Variants in ADAM23 observed in about 807,000 individuals in gnomAD.
ADAM23 encodes disintegrin and metalloproteinase domain-containing protein 23.
A neutral mutation model predicts 120.1 loss-of-function variants in ADAM23; 33 were observed. That is an observed-to-expected ratio of 0.27 (90% CI 0.21 to 0.37). ADAM23 has a LOEUF of 0.37. ADAM23 is among the 10% of genes least tolerant of loss of function. The probability of loss-of-function intolerance (pLI) is 1.00; values close to 1 mark genes in which losing one functional copy is unlikely to be tolerated. For synonymous variants in ADAM23, 367 were observed against 375.2 expected (o/e 0.98, Z 0.25); for missense variants, 862 against 1,058.2 (o/e 0.81, Z 2.57).
intron 18 of ADAM23, among the ~76,000 whole-genome samples, chr2:206,586,407 T>A (rs1388125911): frequency 6.6e-6 from 1 of 151,906 alleles, no homozygotes; most frequent in Non-Finnish European, 1.5e-5. Flanking sequence ...AGATTGGAAT[T>A]ATATTTTGAA....
intron 24 of ADAM23, among the ~76,000 whole-genome samples, chr2:206,598,733 C>T (rs765549025): frequency 1.3e-5 from 2 of 151,804 alleles, no homozygotes; most frequent in Non-Finnish European, 2.9e-5. Context: ...AACCCCATCC[C>T]TACTAAAAAT....
chr2:206,578,739 T>G (rs750269904), intron 18 of ADAM23, among the ~76,000 whole-genome samples: 3 of 152,064 alleles, frequency 2.0e-5, no homozygotes, highest in Non-Finnish European at 2.9e-5. Context: ...AATGACGTCT[T>G]TTCCTCGGGG....
At chr2:206,509,837 G>A (rs1180915543) in intron 3 of ADAM23, among the ~76,000 whole-genome samples, 1 of 152,156 alleles carries the variant, frequency 6.6e-6, no homozygotes, top group African/African-American at 2.4e-5. Flanking sequence ...ATAAACTATG[G>A]TAATAAGTTT....
rs937222887 is a variant in ADAM23, at chr2:206,620,875, T to G, written c.*3248T>G. 10 of 152,216 alleles carry G rather than the reference T, an allele frequency of 6.6e-5. No individual in the cohort carries two copies. Among genetic ancestry groups the G allele is most frequent in the African/African-American group, 2.4e-4 (10 of 41,468 alleles). 9.4% of individuals were successfully genotyped at this position (152,216 alleles called of 1,614,324 possible). A position where few individuals can be genotyped will look rare whatever the true frequency, so the allele number is the denominator to read the frequency against. On this transcript the variant is annotated 3_prime_UTR_variant, in exon 26 of 26. Coordinates refer to ENST00000264377, the MANE Select transcript of ADAM23 (RefSeq NM_003812.4). ...GGAAATGCACAAACTTTTCAAAGAC[T>G]AGTGTCTGAAGAACTTTACAAACAA... is the stretch of plus-strand genomic sequence containing the variant.
At chr2:206,488,078 G>T (rs1396059659) in intron 3 of ADAM23, among the ~76,000 whole-genome samples, 3 of 152,246 alleles carry the variant, frequency 2.0e-5, no homozygotes, top group Admixed American at 2.0e-4. Flanking sequence ...GTTAAAAGCA[G>T]TTCACGCTGT....
chr2:206,519,394 T>TC, intron 3 of ADAM23, among the ~76,000 whole-genome samples: 1 of 152,180 alleles, frequency 6.6e-6, no homozygotes, highest in South Asian at 2.1e-4. Context: ...GTTAGAGAAA[T>TC]TAGTTGTGAT....
intron 24 of ADAM23, among the ~76,000 whole-genome samples, chr2:206,599,969 A>G (rs1283285144): frequency 6.6e-6 from 1 of 152,224 alleles, no homozygotes; most frequent in African/African-American, 2.4e-5. Context: ...TGGGAGGCCA[A>G]GGCGGGCGGA....
chr2:206,589,566 T>C, intron 21 of ADAM23, 52 bp downstream of exon 21: 1 of 1,462,838 alleles, frequency 6.8e-7, no homozygotes, highest in Non-Finnish European at 9.4e-7. Flanking sequence ...GCCCTTCTTA[T>C]GCAAGTGCAA....
At chr2:206,515,905 C>T (rs1282057533) in intron 3 of ADAM23, among the ~76,000 whole-genome samples, 1 of 151,936 alleles carries the variant, frequency 6.6e-6, no homozygotes, top group East Asian at 1.9e-4. Flanking sequence ...GTTTCTGGCT[C>T]ATTTTGTCTC....
chr2:206,570,956 C>T lies in ADAM23; in HGVS notation c.1566+145C>T, dbSNP rs185207317. Reference sequence around the variant, plus strand: ...TGATTAGTGCTTAATTCAACTCAGACCTGTTGGAATCAGTCATGTCCTTAT... The same window carrying T: ...TGATTAGTGCTTAATTCAACTCAGATCTGTTGGAATCAGTCATGTCCTTAT... On this transcript the variant is annotated intron_variant, in intron 16 of 25. Coordinates refer to ENST00000264377, the MANE Select transcript of ADAM23 (RefSeq NM_003812.4). The T allele has an allele frequency of 2.1e-3, 1,426 of 666,114 alleles. 3 individuals carry two copies. The highest frequency in any genetic ancestry group is 2.7e-3 in the Non-Finnish European group (1,027 of 381,542). The allele number at this position is 666,114 out of a possible 1,614,324, so 41.3% of individuals were successfully genotyped here. A position where few individuals can be genotyped will look rare whatever the true frequency, so the allele number is the denominator to read the frequency against.
At chr2:206,515,452 G>C (rs997893400) in intron 3 of ADAM23, among the ~76,000 whole-genome samples, 2 of 152,086 alleles carry the variant, frequency 1.3e-5, no homozygotes, top group Admixed American at 1.3e-4. Flanking sequence ...GCTCCATGTT[G>C]CACCACACAC....
chr2:206,601,492 G>A (rs1389421291), intron 24 of ADAM23, among the ~76,000 whole-genome samples: 1 of 152,118 alleles, frequency 6.6e-6, no homozygotes, highest in Non-Finnish European at 1.5e-5. Context: ...GAATAGTGAG[G>A]CTAGGCACAG....
chr2:206,575,859 A>G (rs2105835142), intron 18 of ADAM23, among the ~76,000 whole-genome samples: 1 of 152,292 alleles, frequency 6.6e-6, no homozygotes, highest in Non-Finnish European at 1.5e-5. Context: ...ATCATTGGTC[A>G]GTCACTCCAC....
chr2:206,539,738 C>G (rs538349484), intron 4 of ADAM23, among the ~76,000 whole-genome samples: 1 of 152,248 alleles, frequency 6.6e-6, no homozygotes, highest in South Asian at 2.1e-4. Context: ...CTCTTTCTCT[C>G]TCAGGATTTA....
chr2:206,498,522 A>G (rs1250189004), intron 3 of ADAM23, among the ~76,000 whole-genome samples: 1 of 152,232 alleles, frequency 6.6e-6, no homozygotes, highest in Admixed American at 6.5e-5. Flanking sequence ...AAAGACTTAC[A>G]TGTTAGACCT....
At chr2:206,557,631 T>C (rs1174812502) in intron 10 of ADAM23, 133 bp downstream of exon 10, 3 of 819,912 alleles carry the variant, frequency 3.7e-6, no homozygotes, top group Admixed American at 1.9e-5. Flanking sequence ...TAAGGAATTA[T>C]AGGATGGTCC....
intron 3 of ADAM23, among the ~76,000 whole-genome samples, chr2:206,487,848 A>G (rs1696046402): frequency 6.6e-6 from 1 of 152,240 alleles, no homozygotes; most frequent in African/African-American, 2.4e-5. Flanking sequence ...ATCTTGAATG[A>G]TGCCCAGGGA....
intron 3 of ADAM23, among the ~76,000 whole-genome samples, chr2:206,481,699 G>A (rs1011031396): frequency 6.6e-6 from 1 of 152,108 alleles, no homozygotes; most frequent in African/African-American, 2.4e-5. Context: ...TGACTTCTGT[G>A]GGAAGAACAG....
At chr2:206,455,964 T>G (rs1031389463) in intron 2 of ADAM23, among the ~76,000 whole-genome samples, 1 of 152,180 alleles carries the variant, frequency 6.6e-6, no homozygotes, top group African/African-American at 2.4e-5. Context: ...CCCTCCAAAC[T>G]GTTCCAACCT....
Sources: allele counts gnomAD v4.1 joint callset (sites outside exome capture counted in the v4.1 genomes callset), GRCh38; gene constraint gnomAD v4.1.1; transcripts MANE v1.5; gene names NCBI Gene and HGNC (gene_info 2026-07-23, HGNC 2026-07-21).